VPS13B: variants seen among roughly 807,000 people sequenced by gnomAD.
The protein encoded by VPS13B is vacuolar protein sorting 13 homolog B.
VPS13B carries 285 observed loss-of-function variants against 426.4 expected under a neutral mutation model. The ratio of observed to expected loss-of-function variants is 0.67; its 90% CI spans 0.61 to 0.74. The LOEUF (loss-of-function observed/expected upper bound fraction) is 0.74, where lower values mean the gene tolerates loss of function less well. Ranked by LOEUF, VPS13B falls within the 30% of genes least tolerant of loss-of-function variation. The pLI, the probability that VPS13B is intolerant of heterozygous loss-of-function variation, is 0.00. For synonymous variants in VPS13B, 1,676 were observed against 1,676.4 expected (o/e 1.00, Z 0.01); for missense variants, 4,537 against 4,782.6 (o/e 0.95, Z 1.51).
Position 99,706,045 on chromosome 8 carries a change from G to A in VPS13B, c.6454+6113G>A, listed in dbSNP as rs537973137. On this transcript the variant is annotated intron_variant, in intron 36 of 61. Transcript: ENST00000357162. ...TCTGATTCATCACTGACCTGAACTC[G>A]ATTTGAACCTTGTTAGACAAAAAAC... is the stretch of plus-strand genomic sequence containing the variant. 8.5e-5 allele frequency among the ~76,000 whole-genome samples: 13 copies of A among 152,066 alleles called. No individual in the cohort carries two copies. In the East Asian group the frequency reaches 2.3e-3, roughly 27 times the overall value.
At chr8:99,865,903 A>G (rs1817072995) in intron 58 of VPS13B, among the ~76,000 whole-genome samples, 1 of 152,216 alleles carries the variant, frequency 6.6e-6, no homozygotes. Context: ...GTTTCTGCCC[A>G]AGGCCTAGGA....
intron 30 of VPS13B, among the ~76,000 whole-genome samples, chr8:99,544,395 A>G (rs1033570246): frequency 3.9e-5 from 6 of 152,160 alleles, no homozygotes; most frequent in African/African-American, 1.4e-4. Flanking sequence ...GCGCACCAGC[A>G]TGGCACATGT....
At chr8:99,658,644 G>A (rs2129732958) in intron 34 of VPS13B, among the ~76,000 whole-genome samples, 1 of 152,030 alleles carries the variant, frequency 6.6e-6, no homozygotes, top group South Asian at 2.1e-4. Context: ...TTCTTATTTG[G>A]ATTAAATTCC....
chr8:99,479,258 A>G (rs953970639), intron 24 of VPS13B, among the ~76,000 whole-genome samples: 21 of 152,264 alleles, frequency 1.4e-4, no homozygotes, highest in Non-Finnish European at 2.2e-4. Flanking sequence ...CAGCCTCTCC[A>G]GTGAAATTGA....
At chr8:99,758,835 T>C (rs1810771334) in intron 39 of VPS13B, among the ~76,000 whole-genome samples, 1 of 152,164 alleles carries the variant, frequency 6.6e-6, no homozygotes, top group South Asian at 2.1e-4. Context: ...CCAGAAGTTC[T>C]TCTGTGCCAT....
chr8:99,566,748 G>A (rs1825212060), intron 31 of VPS13B, among the ~76,000 whole-genome samples: 1 of 152,150 alleles, frequency 6.6e-6, no homozygotes, highest in African/African-American at 2.4e-5. Context: ...ACTGTGCCCA[G>A]CCATGGTGTT....
intron 5 of VPS13B, among the ~76,000 whole-genome samples, chr8:99,109,406 A>T: frequency 1.4e-5 from 2 of 145,608 alleles, no homozygotes; most frequent in Admixed American, 6.8e-5. Context: ...TTTTTAAGAG[A>T]GAGTCTTAAC....
chr8:99,036,330 A>T (rs1055760696), intron 2 of VPS13B, among the ~76,000 whole-genome samples: 1 of 152,142 alleles, frequency 6.6e-6, no homozygotes, highest in Non-Finnish European at 1.5e-5. Context: ...GATTTTAGGG[A>T]TGCATTTTAC....
chr8:99,261,701 T>G (rs1371400175), intron 17 of VPS13B, among the ~76,000 whole-genome samples: 1 of 152,192 alleles, frequency 6.6e-6, no homozygotes, highest in African/African-American at 2.4e-5. Context: ...GAGGTTCTGT[T>G]TCTCCACATC....
chr8:99,482,635 C>T (rs77108000), intron 25 of VPS13B, among the ~76,000 whole-genome samples: 3 of 152,172 alleles, frequency 2.0e-5, no homozygotes, highest in Non-Finnish European at 4.4e-5. Flanking sequence ...GTGACAAACT[C>T]TTGGTAAAGT....
At chr8:99,790,076 T>C (rs956730732) in intron 43 of VPS13B, among the ~76,000 whole-genome samples, 4 of 152,192 alleles carry the variant, frequency 2.6e-5, no homozygotes, top group African/African-American at 9.6e-5. Context: ...CAGCACCAAG[T>C]GTAATGATAT....
chr8:99,274,514 T>G (rs956047835), intron 18 of VPS13B, among the ~76,000 whole-genome samples, 182 bp downstream of exon 18: 2 of 151,940 alleles, frequency 1.3e-5, no homozygotes, highest in Non-Finnish European at 2.9e-5. Flanking sequence ...TTAACAAATT[T>G]TTATTTAGGG....
At chr8:99,115,059 C>A (rs769216698) in intron 6 of VPS13B, among the ~76,000 whole-genome samples, 1 of 152,164 alleles carries the variant, frequency 6.6e-6, no homozygotes, top group African/African-American at 2.4e-5. Context: ...TCATTTAAAT[C>A]TTATCTACAA....
In VPS13B at chr8:99,717,140, A is replaced by G. The variant is rs1331428243; in HGVS notation, c.6455-31A>G. 4.5e-6 allele frequency: 7 copies of G among 1,569,552 alleles called. No individual in the cohort carries two copies. The South Asian group carries it at 7.8e-5, about 17-fold the overall frequency. On this transcript the variant is annotated intron_variant, in intron 36 of 61. Coordinates refer to ENST00000357162, the MANE Select transcript of VPS13B (RefSeq NM_152564.5). ...CCAAACATTTTTTTTGATAAGGATG[A>G]ATTATATACTCTTCTGTATTTTTTT...
At chr8:99,742,099 G>C (rs1436230830) in intron 39 of VPS13B, among the ~76,000 whole-genome samples, 1 of 152,162 alleles carries the variant, frequency 6.6e-6, no homozygotes, top group Non-Finnish European at 1.5e-5. Flanking sequence ...AAGAAGAAAA[G>C]AGAGAAGAAT....
intron 15 of VPS13B, among the ~76,000 whole-genome samples, chr8:99,167,021 G>A (rs1812044833): frequency 6.6e-6 from 1 of 152,150 alleles, no homozygotes; most frequent in Admixed American, 6.5e-5. Flanking sequence ...GAAATTTTGA[G>A]TTAATAGATG....
chr8:99,217,712 A>G (rs1220655878), intron 17 of VPS13B, among the ~76,000 whole-genome samples: 3 of 152,182 alleles, frequency 2.0e-5, no homozygotes, highest in Non-Finnish European at 2.9e-5. Flanking sequence ...TTTCTTGGCA[A>G]ATCCTTCCAG....
intron 33 of VPS13B, among the ~76,000 whole-genome samples, chr8:99,616,972 C>A (rs1321449700): frequency 6.6e-6 from 1 of 152,090 alleles, no homozygotes; most frequent in Non-Finnish European, 1.5e-5. Context: ...AAATGTCTGA[C>A]AATAGTACAA....
At chr8:99,745,855 TATC>T (rs1167362450) in intron 39 of VPS13B, among the ~76,000 whole-genome samples, 1 of 152,130 alleles carries the variant, frequency 6.6e-6, no homozygotes, top group Non-Finnish European at 1.5e-5. Context: ...TTATCCATAT[TATC>T]AGAGCCAACA....
Sources: allele counts gnomAD v4.1 joint callset (sites outside exome capture counted in the v4.1 genomes callset), GRCh38; gene constraint gnomAD v4.1.1; transcripts MANE v1.5; gene names NCBI Gene and HGNC (gene_info 2026-07-23, HGNC 2026-07-21).